Variants in ZFR observed in about 807,000 individuals in gnomAD.
The protein encoded by ZFR is zinc finger RNA binding protein, also known as zinc finger RNA-binding protein.
Under a neutral mutation model 130.7 loss-of-function variants are expected in ZFR, and 19 were observed. That is an observed-to-expected ratio of 0.15 (90% CI 0.10 to 0.21). ZFR has a LOEUF of 0.21. ZFR is among the 10% of genes least tolerant of loss of function. The pLI, the probability that ZFR is intolerant of heterozygous loss-of-function variation, is 1.00. For synonymous variants in ZFR, 466 were observed against 456.9 expected (o/e 1.02, Z -0.25); for missense variants, 872 against 1,321.5 (o/e 0.66, Z 5.27).
intron 15 of ZFR, among the ~76,000 whole-genome samples, chr5:32,385,186 T>G (rs938061069): frequency 6.6e-6 from 1 of 152,102 alleles, no homozygotes; most frequent in Non-Finnish European, 1.5e-5. Flanking sequence ...CTAGCAACAT[T>G]TTAAAACCAT....
Position 32,400,297 on chromosome 5 carries a change from T to G in ZFR, c.1517-94A>C, listed in dbSNP as rs182354652. 5.4e-6 allele frequency: 5 copies of G among 934,516 alleles called. No individual in the cohort carries two copies. In the Admixed American group the frequency reaches 1.8e-4, roughly 33 times the overall value. The allele number at this position is 934,516 out of a possible 1,614,324, so 57.9% of individuals were successfully genotyped here. On this transcript the variant is annotated intron_variant, in intron 8 of 19. Coordinates refer to ENST00000265069, the MANE Select transcript of ZFR (RefSeq NM_016107.5). ...AACTTCAGATAAAGTTCTTTTCTGC[T>G]AATAGTCAAACTCCTAACTGACATA... is the stretch of plus-strand genomic sequence containing the variant.
intron 9 of ZFR, among the ~76,000 whole-genome samples, chr5:32,397,778 A>G (rs1248949749): frequency 6.7e-6 from 1 of 148,410 alleles, no homozygotes; most frequent in Non-Finnish European, 1.5e-5. Context: ...AAGGATAGAA[A>G]CTGTAGAAAT....
Position 32,380,231 on chromosome 5 carries a change from A to C in ZFR, c.2642-59T>G, listed in dbSNP as rs1239642717. 3.0e-6 allele frequency: 4 copies of C among 1,320,314 alleles called. No individual in the cohort carries two copies. In the African/African-American group the frequency reaches 5.8e-5, roughly 19 times the overall value. The allele number at this position is 1,320,314 out of a possible 1,614,324, so 81.8% of individuals were successfully genotyped here. ...GAATGGGTGTTTGACCAGGTGAGCA[A>C]GACACTTCCTTAAGGTAGCATCAGT... is the stretch of plus-strand genomic sequence containing the variant. On this transcript the variant is annotated intron_variant, in intron 15 of 19. Coordinates refer to ENST00000265069, the MANE Select transcript of ZFR (RefSeq NM_016107.5).
intron 5 of ZFR, among the ~76,000 whole-genome samples, chr5:32,411,405 G>A (rs558902615): frequency 7.9e-5 from 12 of 152,072 alleles, no homozygotes; most frequent in African/African-American, 2.7e-4. Flanking sequence ...GAAAATATTC[G>A]GAGGCAGGTG....
intron 5 of ZFR, among the ~76,000 whole-genome samples, chr5:32,409,419 C>T (rs1293096079): frequency 4.0e-5 from 6 of 151,888 alleles, no homozygotes; most frequent in South Asian, 2.1e-4. Flanking sequence ...TATTCTCCAC[C>T]GCCCCACCCC....
At position 32,434,886 on chromosome 5, in the gene ZFR, A is replaced by C. The variant is rs182353156; in HGVS notation, c.137+9343T>G. Among the ~76,000 whole-genome samples, 1,071 of 152,266 alleles carry C rather than the reference A, an allele frequency of 7.0e-3. 9 individuals carry two copies. The highest frequency in any genetic ancestry group is 0.011 in the Non-Finnish European group (753 of 68,010). ...TACAATAAACCCTGAAGGATACCAT[A>C]AATTAATTAAAATGAAGTACTCTGT... On this transcript the variant is annotated intron_variant, in intron 2 of 19. Transcript: ENST00000265069.
chr5:32,380,383 T>A, intron 15 of ZFR: 1 of 411,602 alleles, frequency 2.4e-6, no homozygotes, highest in Non-Finnish European at 4.4e-6. Context: ...TAATAAACAA[T>A]TTCTGGAAAT....
At position 32,430,226 on chromosome 5, in the gene ZFR, G is replaced by GTAA. The variant is rs200452658; in HGVS notation, c.138-10126_138-10124dup. On this transcript the variant is annotated intron_variant, in intron 2 of 19. Transcript: ENST00000265069. ...TACAAAATGTTTAAGCACACTTGAA[G>GTAA]TAAAAGAGATTGTCAAAACTAAGAC... Among the ~76,000 whole-genome samples the GTAA allele has an allele frequency of 6.7e-3, 1,018 of 152,130 alleles. 11 individuals carry two copies. Among genetic ancestry groups the GTAA allele is most frequent in the African/African-American group, 0.023 (958 of 41,520 alleles).
intron 2 of ZFR, among the ~76,000 whole-genome samples, chr5:32,438,155 TAATA>T (rs1218765236): frequency 6.6e-6 from 1 of 152,086 alleles, no homozygotes; most frequent in East Asian, 1.9e-4. Context: ...CCTGCTTACT[TAATA>T]GATTTGGTGG....
intron 2 of ZFR, among the ~76,000 whole-genome samples, chr5:32,443,673 G>A (rs1233605343): frequency 6.6e-6 from 1 of 152,284 alleles, no homozygotes; most frequent in Non-Finnish European, 1.5e-5. Context: ...GTCTGGGGAA[G>A]AAGCCCCACG....
At position 32,356,432 on chromosome 5, in the gene ZFR, A is replaced by G. The variant is rs534514163; in HGVS notation, c.3046-493T>C. Among the ~76,000 whole-genome samples, 56 of 152,230 alleles carry G rather than the reference A, an allele frequency of 3.7e-4. No individual in the cohort carries two copies. In the South Asian group the frequency reaches 0.012, roughly 32 times the overall value. ...TATTTTTGTTTTGTTTTGTTTTTTG[A>G]GACAGAGTCTCGCTCTGTTGCCCAG... is the stretch of plus-strand genomic sequence containing the variant. On this transcript the variant is annotated intron_variant, in intron 19 of 19. Coordinates refer to ENST00000265069, the MANE Select transcript of ZFR (RefSeq NM_016107.5).
intron 9 of ZFR, among the ~76,000 whole-genome samples, chr5:32,398,123 T>C (rs904549459): frequency 4.6e-5 from 7 of 152,186 alleles, no homozygotes; most frequent in Admixed American, 2.0e-4. Flanking sequence ...CCCAAAGTGC[T>C]AGGATTACAG....
chr5:32,414,746 AC>A (rs1266035208), intron 5 of ZFR, among the ~76,000 whole-genome samples: 1 of 151,930 alleles, frequency 6.6e-6, no homozygotes, highest in African/African-American at 2.4e-5. Context: ...GAGCCTTAAA[AC>A]CCCCAAGAAC....
intron 12 of ZFR, among the ~76,000 whole-genome samples, chr5:32,389,214 T>C (rs1017550874): frequency 6.6e-6 from 1 of 152,218 alleles, no homozygotes; most frequent in Non-Finnish European, 1.5e-5. Context: ...CTGGGGCTTA[T>C]CTTAAAACCA....
chr5:32,403,804 TAA>T (rs751205610), intron 7 of ZFR, 100 bp downstream of exon 7: 2 of 1,143,208 alleles, frequency 1.7e-6, no homozygotes, highest in African/African-American at 3.1e-5. Flanking sequence ...ATAATGCACT[TAA>T]AAGTTTTCGA....
intron 2 of ZFR, among the ~76,000 whole-genome samples, chr5:32,432,372 T>C (rs553739720): frequency 2.6e-5 from 4 of 152,242 alleles, no homozygotes; most frequent in East Asian, 3.9e-4. Flanking sequence ...TGATGGCCCA[T>C]TGTGGTTTTG....
At chr5:32,368,242 T>C (rs1039084188) in intron 17 of ZFR, among the ~76,000 whole-genome samples, 30 of 836 alleles carry the variant, frequency 0.036, no homozygotes, top group African/African-American at 0.052. Flanking sequence ...TCAAAACTTT[T>C]TTCCCCCCCC....
At chr5:32,380,257 G>T in intron 15 of ZFR, 85 bp from the exon 16 acceptor site, 1 of 938,016 alleles carries the variant, frequency 1.1e-6, no homozygotes, top group Non-Finnish European at 1.7e-6. Context: ...TAGCATCAGT[G>T]TCACATGAGC....
At chr5:32,396,566 C>T (rs1339642925) in intron 10 of ZFR, among the ~76,000 whole-genome samples, 1 of 152,032 alleles carries the variant, frequency 6.6e-6, no homozygotes, top group Non-Finnish European at 1.5e-5. Flanking sequence ...GGTGAAACCC[C>T]ATCTCTACTA....
Sources: gnomAD v4.1 joint callset for allele counts (sites outside exome capture counted in the v4.1 genomes callset) on GRCh38, gnomAD v4.1.1 for gene constraint, MANE v1.5 for transcripts, NCBI Gene and HGNC (gene_info 2026-07-23, HGNC 2026-07-21) for gene names.